TBC1D14: variants seen among roughly 807,000 people sequenced by gnomAD.
TBC1D14 encodes the protein TBC1 domain family member 14.
TBC1D14 carries 26 observed loss-of-function variants against 79.0 expected under a neutral mutation model. The ratio of observed to expected loss-of-function variants is 0.33; its 90% CI spans 0.24 to 0.46. The LOEUF (loss-of-function observed/expected upper bound fraction) is 0.46, where lower values mean the gene tolerates loss of function less well. Among genes scored for constraint, TBC1D14 ranks in the 20% least tolerant of loss-of-function variants. The pLI, the probability that TBC1D14 is intolerant of heterozygous loss-of-function variation, is 1.00. For synonymous variants in TBC1D14, 394 were observed against 349.9 expected (o/e 1.13, Z -1.40); for missense variants, 769 against 887.6 (o/e 0.87, Z 1.70).
At chr4:7,000,746 G>A (rs149573247) in intron 6 of TBC1D14, among the ~76,000 whole-genome samples, 18 of 152,282 alleles carry the variant, frequency 1.2e-4, no homozygotes, top group African/African-American at 4.3e-4. Flanking sequence ...CTCCAGTGCT[G>A]CTGCAGTGCC....
chr4:6,920,954 A>G (rs909606645), intron 1 of TBC1D14, among the ~76,000 whole-genome samples: 4 of 152,028 alleles, frequency 2.6e-5, no homozygotes, highest in African/African-American at 4.8e-5. Flanking sequence ...AATTTTTTGT[A>G]TTTTTAGTAG....
At position 6,935,648 on chromosome 4, in the gene TBC1D14, C is replaced by CT. The variant is rs35944828; in HGVS notation, c.722+11550dup. Among the ~76,000 whole-genome samples, 154 of 146,128 alleles carry CT rather than the reference C, an allele frequency of 1.1e-3. 1 individual carries two copies. The highest frequency in any genetic ancestry group is 3.6e-3 in the Middle Eastern group (1 of 280). On this transcript the variant is annotated intron_variant, in intron 2 of 13. Transcript: ENST00000409757. ...GCTTCATTGTTTGTGTGTGAGTGTA[C>CT]TTTTTTTTTTTTTGAGACAGAGTCT...
intron 2 of TBC1D14, among the ~76,000 whole-genome samples, chr4:6,948,906 G>A (rs920938251): frequency 6.6e-6 from 1 of 151,854 alleles, no homozygotes; most frequent in Non-Finnish European, 1.5e-5. Flanking sequence ...CACCATGTTG[G>A]CCATCTCCTG....
At chr4:6,964,388 C>G (rs1014558532) in intron 2 of TBC1D14, among the ~76,000 whole-genome samples, 1 of 152,190 alleles carries the variant, frequency 6.6e-6, no homozygotes, top group Non-Finnish European at 1.5e-5. Context: ...GTAGAGAGGC[C>G]TGTCCCGGAT....
At chr4:6,949,448 C>A (rs190705114) in intron 2 of TBC1D14, among the ~76,000 whole-genome samples, 1 of 152,126 alleles carries the variant, frequency 6.6e-6, no homozygotes, top group African/African-American at 2.4e-5. Flanking sequence ...TTTGGGAAGC[C>A]GAGGCAGGTG....
At chr4:6,988,996 T>C (rs958259136) in intron 3 of TBC1D14, among the ~76,000 whole-genome samples, 2 of 147,802 alleles carry the variant, frequency 1.4e-5, no homozygotes, top group African/African-American at 5.0e-5. Flanking sequence ...TGTCTCAGCC[T>C]CTTGAGTAGT....
intron 3 of TBC1D14, among the ~76,000 whole-genome samples, chr4:6,980,418 A>C (rs908270715): frequency 1.3e-5 from 2 of 152,220 alleles, no homozygotes; most frequent in Non-Finnish European, 2.9e-5. Context: ...TAAAATGCTC[A>C]CATAGAAAAG....
At chr4:6,943,195 A>G (rs1713081270) in intron 2 of TBC1D14, among the ~76,000 whole-genome samples, 1 of 151,882 alleles carries the variant, frequency 6.6e-6, no homozygotes, top group Admixed American at 6.6e-5. Flanking sequence ...GGCACACACA[A>G]CTCCACTCAG....
chr4:6,953,929 T>C (rs2109010635), intron 2 of TBC1D14, among the ~76,000 whole-genome samples: 1 of 151,496 alleles, frequency 6.6e-6, no homozygotes. Flanking sequence ...ACAGGTAGCC[T>C]GGACGTGCTG....
chr4:6,932,376 T>TAAA (rs34196506), intron 2 of TBC1D14, among the ~76,000 whole-genome samples: 1 of 143,918 alleles, frequency 6.9e-6, no homozygotes. Flanking sequence ...GTCTGGAAAT[T>TAAA]AAAAAAAAAA....
At chr4:6,972,275 A>G (rs1317160417) in intron 3 of TBC1D14, among the ~76,000 whole-genome samples, 1 of 152,204 alleles carries the variant, frequency 6.6e-6, no homozygotes, top group African/African-American at 2.4e-5. Flanking sequence ...TCTACATATA[A>G]TTATAGTTGT....
rs1333436911 is a variant in TBC1D14, at chr4:7,004,915, G to C, written c.1342G>C (p.Glu448Gln). 5.0e-6 allele frequency: 8 copies of C among 1,614,002 alleles called. No individual in the cohort carries two copies. Among genetic ancestry groups the C allele is most frequent in the Non-Finnish European group, 6.8e-6 (8 of 1,180,000 alleles). Residue 448 changes from glutamate to glutamine, a missense_variant, in exon 8 of 14, where the codon GAG becomes CAG. This residue lies in a region of TBC1D14 where 367 missense variants were observed against 494.4 expected (regional missense o/e 0.74). Coordinates refer to ENST00000409757, the MANE Select transcript of TBC1D14 (RefSeq NM_020773.3). ...CCTTAGCACAGGAGGCTCTGAAGTG[G>C]AGAACGAAGGTAGAATGTCTTCTAA... Reference protein sequence around the residue: ...RSLSTGGSEVENEDAGFSAAD... With the variant: ...RSLSTGGSEVQNEDAGFSAAD...
At chr4:6,920,851 T>C (rs1257026361) in intron 1 of TBC1D14, among the ~76,000 whole-genome samples, 1 of 152,186 alleles carries the variant, frequency 6.6e-6, no homozygotes, top group African/African-American at 2.4e-5. Flanking sequence ...CGATCTCCGC[T>C]CACTGCAACC....
intron 2 of TBC1D14, among the ~76,000 whole-genome samples, chr4:6,961,555 G>A (rs1042087237): frequency 8.5e-5 from 13 of 152,122 alleles, no homozygotes; most frequent in Non-Finnish European, 1.6e-4. Flanking sequence ...GTCTCCTCTC[G>A]GGGGCACTTA....
upstream of TBC1D14, chr4:6,909,483 T>A (rs576004978): frequency 7.9e-5 from 12 of 152,272 alleles, no homozygotes; most frequent in African/African-American, 2.6e-4. Context: ...ACTTCCAAGA[T>A]GGCTGCGGGT....
chr4:6,963,016 G>A lies in TBC1D14; in HGVS notation c.723-4288G>A, dbSNP rs145072516. Among the ~76,000 whole-genome samples the A allele has an allele frequency of 2.4e-3, 359 of 152,350 alleles. 2 individuals carry two copies. Among genetic ancestry groups the A allele is most frequent in the African/African-American group, 7.9e-3 (327 of 41,592 alleles). On this transcript the variant is annotated intron_variant, in intron 2 of 13. Coordinates refer to ENST00000409757, the MANE Select transcript of TBC1D14 (RefSeq NM_020773.3). ...ACCCTGCCCTCTGGGAGACCCCACCGAAGGTGAAGGCATGTGGAGAGGAGA... is the reference window on the plus strand; with the variant it reads ...ACCCTGCCCTCTGGGAGACCCCACCAAAGGTGAAGGCATGTGGAGAGGAGA...
chr4:6,953,958 A>G (rs1316777440), intron 2 of TBC1D14, among the ~76,000 whole-genome samples: 1 of 151,554 alleles, frequency 6.6e-6, no homozygotes, highest in Non-Finnish European at 1.5e-5. Flanking sequence ...GCGCTTTTCC[A>G]GGTCCGAGGT....
chr4:6,939,609 C>T (rs964094914), intron 2 of TBC1D14, among the ~76,000 whole-genome samples: 8 of 152,070 alleles, frequency 5.3e-5, no homozygotes, highest in African/African-American at 1.5e-4. Flanking sequence ...GGGGATGTAA[C>T]GGTCAACACA....
intron 8 of TBC1D14, 73 bp downstream of exon 8, chr4:7,004,997 A>G: frequency 7.3e-7 from 1 of 1,373,036 alleles, no homozygotes; most frequent in South Asian, 1.2e-5. Context: ...ATAGTGAAGA[A>G]AGTTGACGTT....
Sources: allele counts gnomAD v4.1 joint callset (sites outside exome capture counted in the v4.1 genomes callset), GRCh38; gene constraint gnomAD v4.1.1; regional missense constraint gnomAD v4.1.1; transcripts MANE v1.5; gene names NCBI Gene and HGNC (gene_info 2026-07-23, HGNC 2026-07-21).